Variants in RGL1 observed in about 807,000 individuals in gnomAD.
RGL1 encodes ral guanine nucleotide dissociation stimulator like 1.
In RGL1, 24 loss-of-function variants were observed where a neutral mutation model predicts 95.2. The ratio of observed to expected loss-of-function variants is 0.25; its 90% CI spans 0.18 to 0.35. RGL1 has a LOEUF of 0.35. Ranked by LOEUF, RGL1 falls within the 10% of genes least tolerant of loss-of-function variation. The pLI is 1.00. For missense variants in RGL1, 715 were observed against 936.3 expected, an observed-to-expected ratio of 0.76 and a Z score of 3.08; for synonymous variants, 329 against 344.9, an observed-to-expected ratio of 0.95 and a Z score of 0.51.
chr1:183,724,843 G>T lies in RGL1; in HGVS notation c.-32-17283G>T, dbSNP rs1308281864. Among the ~76,000 whole-genome samples the T allele has an allele frequency of 6.6e-6, 1 of 152,012 alleles. No individual in the cohort carries two copies. The highest frequency in any genetic ancestry group is 1.5e-5 in the Non-Finnish European group (1 of 67,998). On this transcript the variant is annotated intron_variant, in intron 1 of 18. Coordinates refer to the RGL1 transcript ENST00000304685. The surrounding 1 kb of genome is among the most constrained non-coding windows in gnomAD (Gnocchi z 4.1). ...GAACACAGGCAGTAGGCAGATAGTG[G>T]TTATAGCAGGCTTTGAGCGAGGCCC... is the stretch of plus-strand genomic sequence containing the variant.
At chr1:183,902,518 T>C (rs762526005) in intron 11 of RGL1, 50 bp from the exon 12 acceptor site, 1 of 1,520,968 alleles carries the variant, frequency 6.6e-7, no homozygotes, top group Non-Finnish European at 9.0e-7. Flanking sequence ...CATATGGCTG[T>C]GTTTTAAAGT....
chr1:183,644,721 C>A (rs1650166427), intron 1 of RGL1, among the ~76,000 whole-genome samples: 1 of 151,884 alleles, frequency 6.6e-6, no homozygotes, highest in Non-Finnish European at 1.5e-5. Flanking sequence ...GAGTAAGATT[C>A]CATTCTGTGA....
intron 1 of RGL1, among the ~76,000 whole-genome samples, chr1:183,663,374 C>T (rs1394422325): frequency 4.8e-5 from 7 of 144,994 alleles, no homozygotes; most frequent in African/African-American, 2.0e-4. Flanking sequence ...AAGAAAAAAA[C>T]AAACAACCCC....
chr1:183,698,507 T>A (rs1351700849), intron 1 of RGL1, among the ~76,000 whole-genome samples: 1 of 152,248 alleles, frequency 6.6e-6, no homozygotes, highest in Non-Finnish European at 1.5e-5. Context: ...TTAGCAGCAA[T>A]ACAAAACAAA....
intron 1 of RGL1, among the ~76,000 whole-genome samples, chr1:183,663,928 T>C (rs59875202): frequency 0.021 from 3,141 of 150,548 alleles, 132 homozygotes; most frequent in African/African-American, 0.074. Flanking sequence ...ATGGATGAAA[T>C]TGGAAATCAT....
chr1:183,866,050 A>C lies in RGL1; in HGVS notation c.402A>C (p.Ser134=), dbSNP rs759547335. The change falls in exon 4 of 18, where the codon TCA becomes TCC. Residue 134 remains serine (S), a synonymous_variant. Coordinates refer to ENST00000360851, the MANE Select transcript of RGL1 (RefSeq NM_001297671.3). Reference sequence around the variant, plus strand: ...AAGAAGATGGAAGCCAAAGTTCATCAGAGTCCAAAATGGTGATCAGGAAGT... The same window carrying C: ...AAGAAGATGGAAGCCAAAGTTCATCCGAGTCCAAAATGGTGATCAGGAAGT... ...NCEEDGSQSS[S]ESKMVIRNAI... 2 of 1,613,890 alleles carry C rather than the reference A, an allele frequency of 1.2e-6. No homozygotes were observed. Among genetic ancestry groups the C allele is most frequent in the South Asian group, 2.2e-5 (2 of 91,086 alleles).
chr1:183,839,210 A>T (rs975945596), intron 2 of RGL1, among the ~76,000 whole-genome samples: 1 of 152,098 alleles, frequency 6.6e-6, no homozygotes, highest in Non-Finnish European at 1.5e-5. Flanking sequence ...AATTGATGTA[A>T]TTTCTACATA....
At chr1:183,875,488 G>A (rs1666438581) in intron 4 of RGL1, among the ~76,000 whole-genome samples, 1 of 152,172 alleles carries the variant, frequency 6.6e-6, no homozygotes, top group African/African-American at 2.4e-5. Flanking sequence ...GTGGCTAGAA[G>A]TTCTGAACCA....
At chr1:183,775,962 A>C (rs1322228793) in intron 2 of RGL1, among the ~76,000 whole-genome samples, 4 of 152,200 alleles carry the variant, frequency 2.6e-5, no homozygotes, top group Non-Finnish European at 5.9e-5. Context: ...AATTAAACAC[A>C]TAAAAAACAA....
intron 1 of RGL1, among the ~76,000 whole-genome samples, chr1:183,677,599 G>T (rs1652911528): frequency 6.6e-6 from 1 of 152,204 alleles, no homozygotes; most frequent in East Asian, 1.9e-4. Context: ...ATCCAAGTAA[G>T]CTGAGGTTAC....
At chr1:183,868,513 A>C (rs908915206) in intron 4 of RGL1, among the ~76,000 whole-genome samples, 2 of 152,218 alleles carry the variant, frequency 1.3e-5, no homozygotes, top group African/African-American at 2.4e-5. Context: ...GGCCCCACTC[A>C]GACCTAATGG....
intron 3 of RGL1, among the ~76,000 whole-genome samples, chr1:183,863,333 T>C (rs777781519): frequency 1.3e-5 from 2 of 152,078 alleles, no homozygotes; most frequent in Non-Finnish European, 2.9e-5. Context: ...TTTTTTGTTT[T>C]TTGTTTTTTG....
rs1669731942 is a variant in RGL1 at position 183,928,257 on chromosome 1, C to T, written c.*1965C>T. On this transcript the variant is annotated 3_prime_UTR_variant, in exon 18 of 18. Coordinates refer to ENST00000360851, the MANE Select transcript of RGL1 (RefSeq NM_001297671.3). ...CCCGTGTTCATCCTGTGTATTTATA[C>T]TGTATATGTAGAGTCTAGATTTATA... 1.3e-5 allele frequency: 2 copies of T among 151,656 alleles called. No individual in the cohort carries two copies. Among genetic ancestry groups the T allele is most frequent in the Admixed American group, 1.3e-4 (2 of 15,182 alleles). 9.4% of individuals were successfully genotyped at this position (151,656 alleles called of 1,614,324 possible).
intron 2 of RGL1, among the ~76,000 whole-genome samples, chr1:183,747,166 T>C (rs1051895316): frequency 6.6e-6 from 1 of 152,218 alleles, no homozygotes; most frequent in African/African-American, 2.4e-5. Context: ...TTTGGGTATA[T>C]ACCAAGTAAT....
intron 2 of RGL1, among the ~76,000 whole-genome samples, chr1:183,806,834 A>G (rs1404867098): frequency 1.3e-5 from 2 of 151,946 alleles, no homozygotes; most frequent in Non-Finnish European, 2.9e-5. Flanking sequence ...CCCAGAAGCC[A>G]CCCTTGTCTC....
At chr1:183,706,441 C>T (rs34232349) in intron 1 of RGL1, among the ~76,000 whole-genome samples, 2,341 of 152,248 alleles carry the variant, frequency 0.015, 27 homozygotes, top group Middle Eastern at 0.045. Context: ...TGGTAGTTGC[C>T]GGGGTGTCTG....
At chr1:183,886,183 C>T (rs1004021464) in intron 7 of RGL1, among the ~76,000 whole-genome samples, 1 of 152,038 alleles carries the variant, frequency 6.6e-6, no homozygotes, top group African/African-American at 2.4e-5. Context: ...CACAATTGTG[C>T]CAGATAATTT....
At chr1:183,789,673 C>G (rs1387884725) in intron 2 of RGL1, among the ~76,000 whole-genome samples, 1 of 152,020 alleles carries the variant, frequency 6.6e-6, no homozygotes, top group Non-Finnish European at 1.5e-5. Flanking sequence ...CTACTGATTT[C>G]TGCTCTATTT....
At chr1:183,879,281 A>G (rs1666690134) in intron 4 of RGL1, among the ~76,000 whole-genome samples, 1 of 152,230 alleles carries the variant, frequency 6.6e-6, no homozygotes, top group South Asian at 2.1e-4. Flanking sequence ...AAAGTTAAGC[A>G]TTAAATTGGC....
Sources: gnomAD v4.1 joint callset for allele counts (sites outside exome capture counted in the v4.1 genomes callset) on GRCh38, gnomAD v4.1.1 for gene constraint, Gnocchi (gnomAD v3.1) non-coding constraint, MANE v1.5 for transcripts, NCBI Gene and HGNC (gene_info 2026-07-23, HGNC 2026-07-21) for gene names.